PLXDC2: variants seen among roughly 807,000 people sequenced by gnomAD.
PLXDC2 encodes plexin domain-containing protein 2.
In PLXDC2, 40 loss-of-function variants were observed where a neutral mutation model predicts 68.9. The observed-to-expected ratio is 0.58, with a 90% confidence interval of 0.45 to 0.76. The LOEUF (loss-of-function observed/expected upper bound fraction) is 0.76, where lower values mean the gene tolerates loss of function less well. Ranked by LOEUF, PLXDC2 falls within the 30% of genes least tolerant of loss-of-function variation. PLXDC2 has a pLI of 0.00. For synonymous variants in PLXDC2, 243 were observed against 234.2 expected (o/e 1.04, Z -0.34); for missense variants, 644 against 661.9 (o/e 0.97, Z 0.30).
intron 1 of PLXDC2, among the ~76,000 whole-genome samples, chr10:19,949,158 A>G (rs1450249307): frequency 6.6e-6 from 1 of 151,112 alleles, no homozygotes; most frequent in Admixed American, 6.6e-5. Context: ...GAATAGACAT[A>G]CGTTATATAT....
In PLXDC2 at chr10:20,280,362, T is replaced by A. The variant is rs1836066219; in HGVS notation, c.*543T>A. On this transcript the variant is annotated 3_prime_UTR_variant, in exon 14 of 14. Transcript: ENST00000377252. The stretch of plus-strand genomic sequence containing the variant: ...AGATTTTCTACATTTTCAAAACAGA[T>A]GTGTGGCAAAAGGATGTTGTTTTTC... 1.3e-5 allele frequency: 2 copies of A among 152,696 alleles called. No individual in the cohort carries two copies. The highest frequency in any genetic ancestry group is 4.8e-5 in the African/African-American group (2 of 41,428). 9.5% of individuals were successfully genotyped at this position (152,696 alleles called of 1,614,324 possible). A position where few individuals can be genotyped will look rare whatever the true frequency, so the allele number is the denominator to read the frequency against.
In PLXDC2 at chr10:20,280,928, T is replaced by G. The variant is rs1836074554; in HGVS notation, c.*1109T>G. On this transcript the variant is annotated 3_prime_UTR_variant, in exon 14 of 14. Transcript: ENST00000377252. ...ACATAAATATATATATATAAATATATTTTTGTTTATAACTAACACAAGGCA... is the reference window on the plus strand; with the variant it reads ...ACATAAATATATATATATAAATATAGTTTTGTTTATAACTAACACAAGGCA... The G allele has an allele frequency of 2.6e-5, 4 of 151,918 alleles. No individual in the cohort carries two copies. Among genetic ancestry groups the G allele is most frequent in the Admixed American group, 1.3e-4 (2 of 15,220 alleles). The allele number at this position is 151,918 out of a possible 1,614,324, so 9.4% of individuals were successfully genotyped here.
chr10:19,970,013 GA>G (rs1834324867), intron 1 of PLXDC2, among the ~76,000 whole-genome samples: 1 of 152,168 alleles, frequency 6.6e-6, no homozygotes, highest in Non-Finnish European at 1.5e-5. Context: ...TAGTCTAAAT[GA>G]AGAAGCAATA....
rs193277678 is a variant in PLXDC2 at position 19,893,072 on chromosome 10, G to A, written c.112+75881G>A. On this transcript the variant is annotated intron_variant, in intron 1 of 13. Transcript: ENST00000377252. ...TGGCTCTGACCTTCATCAAAGAAGG[G>A]TAATAATCCTGTTTCAAGGGGGTTA... 9.1e-4 allele frequency among the ~76,000 whole-genome samples: 139 copies of A among 152,146 alleles called. 1 individual carries two copies. Among genetic ancestry groups the A allele is most frequent in the African/African-American group, 3.1e-3 (130 of 41,508 alleles).
intron 1 of PLXDC2, among the ~76,000 whole-genome samples, chr10:19,901,975 G>C (rs554634400): frequency 4.2e-4 from 64 of 152,228 alleles, no homozygotes; most frequent in African/African-American, 1.5e-3. Context: ...GTTGAAGTCA[G>C]TTGGCTATAA....
intron 9 of PLXDC2, among the ~76,000 whole-genome samples, chr10:20,178,777 A>G (rs1834563031): frequency 6.6e-6 from 1 of 152,152 alleles, no homozygotes; most frequent in Non-Finnish European, 1.5e-5. Flanking sequence ...GGCTAGAACA[A>G]TATTATTTAT....
At chr10:20,064,578 A>T (rs75697700) in intron 3 of PLXDC2, among the ~76,000 whole-genome samples, 2,675 of 152,146 alleles carry the variant, frequency 0.018, 34 homozygotes, top group South Asian at 0.043. Flanking sequence ...TTTATATACT[A>T]TTTGGGGTCA....
intron 1 of PLXDC2, among the ~76,000 whole-genome samples, chr10:19,990,968 C>T (rs1032705627): frequency 8.5e-5 from 13 of 152,050 alleles, no homozygotes; most frequent in African/African-American, 2.4e-4. Flanking sequence ...TGATTCAGGC[C>T]GGGCATGATG....
intron 12 of PLXDC2, 56 bp downstream of exon 12, chr10:20,219,158 T>G (rs1443301810): frequency 6.5e-7 from 1 of 1,539,834 alleles, no homozygotes. Context: ...TTCATTTCAT[T>G]TATTTTACTA....
intron 9 of PLXDC2, among the ~76,000 whole-genome samples, chr10:20,185,100 G>A (rs7899505): frequency 0.049 from 6,209 of 127,674 alleles, 440 homozygotes; most frequent in African/African-American, 0.17. Flanking sequence ...AACCACCATA[G>A]CACATGTATA....
chr10:20,052,816 G>A (rs891434050), intron 3 of PLXDC2, among the ~76,000 whole-genome samples: 10 of 151,816 alleles, frequency 6.6e-5, no homozygotes, highest in Admixed American at 6.6e-4. Context: ...ATTTAGCCTT[G>A]AGTAAGCAAG....
At chr10:20,007,054 A>C (rs1199714267) in intron 2 of PLXDC2, among the ~76,000 whole-genome samples, 1 of 152,228 alleles carries the variant, frequency 6.6e-6, no homozygotes, top group Non-Finnish European at 1.5e-5. Context: ...TACTTTGTAT[A>C]ATTATTTTGG....
At chr10:20,066,460 A>G (rs2131704814) in intron 3 of PLXDC2, among the ~76,000 whole-genome samples, 1 of 152,348 alleles carries the variant, frequency 6.6e-6, no homozygotes, top group South Asian at 2.1e-4. Context: ...GCATGGAAAT[A>G]AATTAGAATG....
intron 4 of PLXDC2, among the ~76,000 whole-genome samples, chr10:20,124,623 C>T (rs956122874): frequency 4.7e-5 from 7 of 150,480 alleles, no homozygotes; most frequent in South Asian, 2.1e-4. Flanking sequence ...GGGCTGAGTC[C>T]GAAAAGAGAG....
At chr10:20,062,269 C>CA (rs1379784719) in intron 3 of PLXDC2, among the ~76,000 whole-genome samples, 2 of 152,160 alleles carry the variant, frequency 1.3e-5, no homozygotes, top group East Asian at 3.9e-4. Flanking sequence ...ACTAAAAACA[C>CA]AAAAATCAGC....
chr10:19,841,371 T>C (rs1018968384), intron 1 of PLXDC2, among the ~76,000 whole-genome samples: 3 of 152,150 alleles, frequency 2.0e-5, no homozygotes, highest in Non-Finnish European at 4.4e-5. Flanking sequence ...AGTGTTTCCA[T>C]TTTAAAACTT....
intron 3 of PLXDC2, among the ~76,000 whole-genome samples, chr10:20,048,138 A>C (rs1021399560): frequency 2.6e-5 from 4 of 152,148 alleles, no homozygotes; most frequent in African/African-American, 9.7e-5. Flanking sequence ...CAATGGCTGA[A>C]GTTATTTAAA....
intron 4 of PLXDC2, among the ~76,000 whole-genome samples, chr10:20,096,343 C>G (rs180990511): frequency 6.6e-6 from 1 of 151,230 alleles, no homozygotes; most frequent in Non-Finnish European, 1.5e-5. Flanking sequence ...TAAAATCACG[C>G]TGAAAGAAAA....
intron 7 of PLXDC2, among the ~76,000 whole-genome samples, chr10:20,165,792 T>C (rs946491810): frequency 2.6e-5 from 4 of 152,180 alleles, no homozygotes; most frequent in Admixed American, 6.5e-5. Flanking sequence ...CGTGTTGCTT[T>C]GGACAACTGT....
Sources: allele counts gnomAD v4.1 joint callset (sites outside exome capture counted in the v4.1 genomes callset), GRCh38; gene constraint gnomAD v4.1.1; transcripts MANE v1.5; gene names NCBI Gene and HGNC (gene_info 2026-07-23, HGNC 2026-07-21).